Variants in MYO10 observed in about 807,000 individuals in gnomAD.
MYO10 encodes unconventional myosin-X.
A neutral mutation model predicts 257.3 loss-of-function variants in MYO10; 133 were observed. The ratio of observed to expected loss-of-function variants is 0.52; its 90% CI spans 0.45 to 0.60. The LOEUF (loss-of-function observed/expected upper bound fraction) is 0.60. Ranked by LOEUF, MYO10 falls within the 20% of genes least tolerant of loss-of-function variation. The pLI, the probability that MYO10 is intolerant of heterozygous loss-of-function variation, is 0.00. For missense variants in MYO10, 2,399 were observed against 2,635.7 expected (o/e 0.91, Z 1.97); for synonymous variants, 1,104 against 1,028.6 (o/e 1.07, Z -1.40).
intron 19 of MYO10, among the ~76,000 whole-genome samples, chr5:16,715,329 C>A (rs1738807790): frequency 6.6e-6 from 1 of 150,836 alleles, no homozygotes; most frequent in Non-Finnish European, 1.5e-5. Context: ...TAGTCATGTA[C>A]CACATAATGA....
chr5:16,794,286 T>G (rs1741862173), intron 4 of MYO10, among the ~76,000 whole-genome samples: 1 of 151,662 alleles, frequency 6.6e-6, no homozygotes, highest in African/African-American at 2.4e-5. Context: ...ACATTTAAAT[T>G]TGAAAGAACT....
intron 3 of MYO10, among the ~76,000 whole-genome samples, chr5:16,812,115 T>C (rs140323203): frequency 2.0e-5 from 3 of 152,166 alleles, no homozygotes; most frequent in South Asian, 2.1e-4. Context: ...AGCAAACCCA[T>C]AGCCAAGAGG....
chr5:16,896,518 A>G (rs1339762538), intron 1 of MYO10, among the ~76,000 whole-genome samples: 2 of 152,154 alleles, frequency 1.3e-5, no homozygotes, highest in African/African-American at 2.4e-5. Flanking sequence ...GCTTGAACCC[A>G]GGAGGCAGAG....
In MYO10 at chr5:16,745,563, C is replaced by A. The variant is rs532283620; in HGVS notation, c.1929+9265G>T. On this transcript the variant is annotated intron_variant, in intron 19 of 40. Coordinates refer to ENST00000513610, the MANE Select transcript of MYO10 (RefSeq NM_012334.3). ...TAGCCAGGCCCAGTGGTGGTGTATGCCTGTACTCCCAGCTATTTGGGAGGC... is the reference window on the plus strand; with the variant it reads ...TAGCCAGGCCCAGTGGTGGTGTATGACTGTACTCCCAGCTATTTGGGAGGC... 3.3e-5 allele frequency among the ~76,000 whole-genome samples: 5 copies of A among 152,038 alleles called. 1 individual carries two copies. The South Asian group carries it at 1.0e-3, about 32-fold the overall frequency.
intron 9 of MYO10, among the ~76,000 whole-genome samples, chr5:16,770,317 A>G (rs1741007753): frequency 1.3e-5 from 2 of 152,192 alleles, no homozygotes; most frequent in Non-Finnish European, 2.9e-5. Flanking sequence ...GGCACTCATC[A>G]CATCTCTATT....
At chr5:16,781,148 C>T (rs1318481268) in intron 6 of MYO10, among the ~76,000 whole-genome samples, 1 of 151,238 alleles carries the variant, frequency 6.6e-6, no homozygotes, top group Non-Finnish European at 1.5e-5. Context: ...GGCACGATCT[C>T]GGCTCACTGC....
chr5:16,807,836 CTTCT>C (rs993660833), intron 3 of MYO10, among the ~76,000 whole-genome samples: 2 of 152,124 alleles, frequency 1.3e-5, no homozygotes, highest in Non-Finnish European at 2.9e-5. Flanking sequence ...TGTGACGCTC[CTTCT>C]TTGTGTTCCC....
At chr5:16,675,887 A>T in intron 34 of MYO10, 144 bp downstream of exon 34, 1 of 1,006,306 alleles carries the variant, frequency 9.9e-7, no homozygotes, top group Non-Finnish European at 1.4e-6. Context: ...AATGAATCTA[A>T]GTATATTTCA....
chr5:16,882,996 A>C (rs1047575748), intron 1 of MYO10, among the ~76,000 whole-genome samples: 5 of 151,472 alleles, frequency 3.3e-5, no homozygotes, highest in African/African-American at 1.2e-4. Flanking sequence ...GCTCACTGCA[A>C]GCTCTGCCTC....
At chr5:16,896,081 G>C (rs1319390460) in intron 1 of MYO10, among the ~76,000 whole-genome samples, 1 of 152,180 alleles carries the variant, frequency 6.6e-6, no homozygotes, top group Admixed American at 6.5e-5. Flanking sequence ...TCCTTCTTAA[G>C]CCTCATGGAA....
intron 2 of MYO10, among the ~76,000 whole-genome samples, chr5:16,867,336 C>T (rs1046318846): frequency 9.9e-5 from 15 of 152,274 alleles, no homozygotes; most frequent in Middle Eastern, 3.4e-3. Context: ...CTGCATTCAA[C>T]AGGCTTGCGG....
At chr5:16,764,421 C>T in intron 11 of MYO10, 25 bp from the exon 12 acceptor site, 1 of 1,612,164 alleles carries the variant, frequency 6.2e-7, no homozygotes, top group Non-Finnish European at 8.5e-7. Context: ...CCAGCACAGA[C>T]TCAGCTGACC....
At chr5:16,906,023 C>CA (rs1489146077) in intron 1 of MYO10, among the ~76,000 whole-genome samples, 1 of 152,224 alleles carries the variant, frequency 6.6e-6, no homozygotes, top group African/African-American at 2.4e-5. Flanking sequence ...CAACACCTGT[C>CA]AAATGCAACA....
chr5:16,779,553 C>G lies in MYO10; in HGVS notation c.922G>C (p.Glu308Gln). 6.4e-7 allele frequency: 1 copy of G among 1,566,118 alleles called. No individual in the cohort carries two copies. Residue 308 changes from glutamate to glutamine, a missense_variant, in exon 9 of 41, where the codon GAA becomes CAA. By Grantham distance (29) the Glu-to-Gln change is conservative. Coordinates refer to ENST00000513610, the MANE Select transcript of MYO10 (RefSeq NM_012334.3). Reference protein sequence around the residue: ...KTISDQESFREVITAMDVMQF... With the variant: ...KTISDQESFRQVITAMDVMQF... ...ATTTAAAAGTAACTTACAATAACTT[C>G]CCTAAAGGATTCCTGGTCACTGATT...
intron 17 of MYO10, among the ~76,000 whole-genome samples, chr5:16,760,377 C>T (rs916777977): frequency 3.1e-4 from 46 of 149,300 alleles, no homozygotes; most frequent in Non-Finnish European, 5.6e-4. Context: ...AGGAGAATGG[C>T]GTGAACCTGG....
chr5:16,848,155 C>CTTTTTTTTTTTTTTTTTCTTT (rs1743693638), intron 2 of MYO10, among the ~76,000 whole-genome samples: 3 of 113,568 alleles, frequency 2.6e-5, no homozygotes, highest in African/African-American at 3.7e-5. Context: ...CTACACATTT[C>CTTTTTTTTTTTTTTTTTCTTT]TTTTTTTTTT....
intron 2 of MYO10, among the ~76,000 whole-genome samples, chr5:16,843,766 AT>A (rs535655823): frequency 2.6e-5 from 4 of 151,708 alleles, no homozygotes; most frequent in Non-Finnish European, 5.9e-5. Flanking sequence ...AGAAAAAAAA[AT>A]TTTTTTGAAG....
chr5:16,781,978 C>G (rs1051360115), intron 5 of MYO10, 149 bp from the exon 6 acceptor site: 7 of 979,984 alleles, frequency 7.1e-6, no homozygotes, highest in Non-Finnish European at 1.1e-5. Context: ...TCCGGAAGAG[C>G]CAGATTTTCA....
chr5:16,673,533 G>A, intron 36 of MYO10, 149 bp downstream of exon 36: 1 of 712,124 alleles, frequency 1.4e-6, no homozygotes, highest in South Asian at 1.9e-5. Flanking sequence ...GTTGCTTCTG[G>A]GTTACATGCA....
Sources: allele counts gnomAD v4.1 joint callset (sites outside exome capture counted in the v4.1 genomes callset), GRCh38; gene constraint gnomAD v4.1.1; transcripts MANE v1.5; gene names NCBI Gene and HGNC (gene_info 2026-07-23, HGNC 2026-07-21).